The following SPG11 variants were observed in gnomAD, a reference collection of about 807,000 sequenced individuals.
The protein encoded by SPG11 is spatacsin.
SPG11 carries 222 observed loss-of-function variants against 274.0 expected under a neutral mutation model. The ratio of observed to expected loss-of-function variants is 0.81; its 90% confidence interval spans 0.73 to 0.91. SPG11 has a LOEUF of 0.91. Among genes scored for constraint, SPG11 ranks in the 40% least tolerant of loss-of-function variants. The pLI, the probability that SPG11 is intolerant of heterozygous loss-of-function variation, is 0.00. For missense variants in SPG11, 3,114 were observed against 2,872.7 expected (o/e 1.08, Z -1.92); for synonymous variants, 1,144 against 1,039.7 (o/e 1.10, Z -1.93).
rs746453994 is a variant in SPG11 at position 44,563,111 on chromosome 15, A to T, written c.*10T>A. On this transcript the variant is annotated 3_prime_UTR_variant, in exon 40 of 40. Coordinates refer to ENST00000261866, the MANE Select transcript of SPG11 (RefSeq NM_025137.4). Reference sequence around the variant, plus strand: ...TAACAGTACAAGAAAACAGACACCTATGAAATCATCTAACCTGCTAGCATG... The same window carrying T: ...TAACAGTACAAGAAAACAGACACCTTTGAAATCATCTAACCTGCTAGCATG... 2 of 1,613,616 alleles carry T rather than the reference A, an allele frequency of 1.2e-6. No individual in the cohort carries two copies. Among genetic ancestry groups the T allele is most frequent in the Non-Finnish European group, 1.7e-6 (2 of 1,179,734 alleles).
chr15:44,651,180 C>T (rs2084763956), intron 6 of SPG11, among the ~76,000 whole-genome samples: 1 of 152,100 alleles, frequency 6.6e-6, no homozygotes, highest in Admixed American at 6.6e-5. Flanking sequence ...TCATACATGG[C>T]CCATGAGCAC....
At chr15:44,620,145 C>G (rs746235979) in intron 15 of SPG11, 45 bp downstream of exon 15, 26 of 1,453,710 alleles carry the variant, frequency 1.8e-5, no homozygotes, top group Non-Finnish European at 2.3e-5. Context: ...TCTTGCTCTT[C>G]CCTTGTATTC....
chr15:44,659,128 C>T lies in SPG11; in HGVS notation c.618G>A (p.Thr206=), dbSNP rs766634102. The change falls in exon 3 of 40, where the codon ACG becomes ACA. Residue 206 remains threonine, a synonymous_variant. Coordinates refer to ENST00000261866, the MANE Select transcript of SPG11 (RefSeq NM_025137.4). ...PAQAVDMIID[T]QLCRGILFVL... The stretch of plus-strand genomic sequence containing the variant: ...CAAAAAGAATTCCTCTGCAGAGCTG[C>T]GTGTCAATAATCATGTCCACTGCCT... 9.3e-6 allele frequency: 15 copies of T among 1,614,208 alleles called. No individual in the cohort carries two copies. The highest frequency in any genetic ancestry group is 1.2e-5 in the Non-Finnish European group (14 of 1,180,044).
chr15:44,613,725 G>C (rs1022021597), intron 16 of SPG11, among the ~76,000 whole-genome samples, 189 bp from the exon 17 acceptor site: 5 of 152,144 alleles, frequency 3.3e-5, no homozygotes, highest in African/African-American at 1.2e-4. Flanking sequence ...CAATTTTAGA[G>C]ATAGAGATTT....
rs1188647766 is a variant in SPG11 at position 44,663,264 on chromosome 15, G to A, written c.257+127C>T. The A allele has an allele frequency of 1.1e-5, 14 of 1,316,328 alleles. No individual in the cohort carries two copies. In the Admixed American group the frequency reaches 2.5e-4, roughly 24 times the overall value. 81.5% of individuals were successfully genotyped at this position (1,316,328 alleles called of 1,614,324 possible). A position where few individuals can be genotyped will look rare whatever the true frequency, so the allele number is the denominator to read the frequency against. ...CACGCTCGCCTCTGGGGCGTTTCCT[G>A]CAGCTGGCACCCTTCTCCCGCCACC... On this transcript the variant is annotated intron_variant, in intron 1 of 39. Transcript: ENST00000261866.
intron 7 of SPG11, among the ~76,000 whole-genome samples, chr15:44,644,745 T>C (rs1459726305): frequency 1.3e-5 from 2 of 151,820 alleles, no homozygotes; most frequent in African/African-American, 4.8e-5. Flanking sequence ...ACAAAATCAA[T>C]GTAAAAAAAA....
chr15:44,596,840 T>A lies in SPG11; in HGVS notation c.4105A>T (p.Asn1369Tyr). ...ISYLRECAKA[N>Y]DWLQFIIHSQ... is the part of the protein sequence containing the mutation. The stretch of plus-strand genomic sequence containing the variant: ...TGAATAATGAACTGCAGCCAATCAT[T>A]TGCTTTGGCACATTCTCTAAGGTAA... Residue 1369 changes from asparagine (N) to tyrosine (Y), a missense_variant, in exon 24 of 40, where the codon AAT becomes TAT. Coordinates refer to ENST00000261866, the MANE Select transcript of SPG11 (RefSeq NM_025137.4). 1 of 1,614,086 alleles carries A rather than the reference T, an allele frequency of 6.2e-7. No individual in the cohort carries two copies. Among genetic ancestry groups the A allele is most frequent in the Non-Finnish European group, 8.5e-7 (1 of 1,180,008 alleles).
At chr15:44,635,262 A>T (rs1161010470) in intron 7 of SPG11, among the ~76,000 whole-genome samples, 2 of 151,894 alleles carry the variant, frequency 1.3e-5, no homozygotes, top group African/African-American at 4.8e-5. Context: ...GAGAAGCCTA[A>T]AATATTTACT....
chr15:44,653,615 G>A (rs1324511319), intron 4 of SPG11, among the ~76,000 whole-genome samples: 1 of 152,120 alleles, frequency 6.6e-6, no homozygotes, highest in African/African-American at 2.4e-5. Flanking sequence ...AGATAATGGT[G>A]GCATAGAGTG....
At chr15:44,608,357 T>C in intron 19 of SPG11, 87 bp downstream of exon 19, 3 of 1,410,634 alleles carry the variant, frequency 2.1e-6, no homozygotes, top group Non-Finnish European at 2.0e-6. Context: ...CTACATTAAA[T>C]GCCCTCCGGT....
chr15:44,587,788 T>TA lies in SPG11; in HGVS notation c.4906+1463dup, dbSNP rs199748609. 7.2e-3 allele frequency among the ~76,000 whole-genome samples: 1,051 copies of TA among 146,282 alleles called. 17 individuals carry two copies. The highest frequency in any genetic ancestry group is 0.025 in the African/African-American group (996 of 39,348). ...CATAGTAACACAATTTCTAAAAATA[T>TA]AAAAAATTATAGAATAAAACTATTA... On this transcript the variant is annotated intron_variant, in intron 28 of 39. Transcript: ENST00000261866.
rs558802365 is a variant in SPG11 at position 44,619,370 on chromosome 15, TCA to T, written c.2834+818_2834+819del. Among the ~76,000 whole-genome samples the T allele has an allele frequency of 7.9e-5, 12 of 152,370 alleles. No individual in the cohort carries two copies. In the East Asian group the frequency reaches 2.3e-3, roughly 29 times the overall value. On this transcript the variant is annotated intron_variant, in intron 15 of 39. Transcript: ENST00000261866. The stretch of plus-strand genomic sequence containing the variant: ...TGGAGCCGAATGAAATGGTTGATAT[TCA>T]GTCATTTTTGACCCACACAAATGGC...
In SPG11 at chr15:44,653,754, A is replaced by C. The variant is rs569472304; in HGVS notation, c.870-1488T>G. 7.5e-4 allele frequency among the ~76,000 whole-genome samples: 115 copies of C among 152,330 alleles called. 1 individual carries two copies. The highest frequency in any genetic ancestry group is 2.6e-3 in the African/African-American group (110 of 41,572). On this transcript the variant is annotated intron_variant, in intron 4 of 39. Transcript: ENST00000261866. ...GAGATACAGTAGTTCCCTCTTATCC[A>C]CAGTGGATACATTCAAGACACACAG...
chr15:44,589,479 A>C, intron 27 of SPG11, 65 bp from the exon 28 acceptor site: 2 of 1,596,036 alleles, frequency 1.3e-6, no homozygotes, highest in South Asian at 1.1e-5. Context: ...AAAACCTCCA[A>C]ATCTGGGAAC....
chr15:44,663,603 ACC>A lies in SPG11; in HGVS notation c.43_44del (p.Gly15Ter). On this transcript the variant is annotated frameshift_variant, in exon 1 of 40. Transcript: ENST00000261866. LOFTEE classifies it high-confidence loss of function. ...GCCCCATGGCCGCGGTGCCCCAGCT[ACC>A]GCCGGCGGAAGCAGCACTCGCGACC... The part of the protein sequence containing the change: ...EGVASAASAG[G>X]SWGTAAMGRV... 1 of 1,596,428 alleles carries A rather than the reference ACC, an allele frequency of 6.3e-7. No individual in the cohort carries two copies. Among genetic ancestry groups the A allele is most frequent in the Non-Finnish European group, 8.5e-7 (1 of 1,175,216 alleles).
intron 8 of SPG11, among the ~76,000 whole-genome samples, chr15:44,631,430 A>G (rs1006898054): frequency 3.3e-5 from 5 of 152,332 alleles, no homozygotes; most frequent in East Asian, 1.9e-4. Context: ...AAAGATCTCA[A>G]TTGGTTTTAT....
chr15:44,606,164 A>G (rs2083313660), intron 19 of SPG11, 73 bp from the exon 20 acceptor site: 1 of 1,304,172 alleles, frequency 7.7e-7, no homozygotes, highest in South Asian at 1.2e-5. Flanking sequence ...ATTATATGAA[A>G]GGACTTCAGA....
At chr15:44,598,505 C>T in intron 22 of SPG11, 126 bp downstream of exon 22, 1 of 1,251,940 alleles carries the variant, frequency 8.0e-7, no homozygotes, top group Non-Finnish European at 1.2e-6. Context: ...ACAAAGAACA[C>T]ACACTCTGCA....
intron 17 of SPG11, 108 bp from the exon 18 acceptor site, chr15:44,611,093 A>AATT: frequency 9.1e-6 from 1 of 110,376 alleles, no homozygotes; most frequent in Non-Finnish European, 1.8e-5. Flanking sequence ...ATCCCCAGTA[A>AATT]AAAAAAAAAA....
Sources: gnomAD v4.1 joint callset for allele counts (sites outside exome capture counted in the v4.1 genomes callset) on GRCh38, gnomAD v4.1.1 for gene constraint, MANE v1.5 for transcripts, NCBI Gene and HGNC (gene_info 2026-07-23, HGNC 2026-07-21) for gene names.